Variants in SLC4A11 observed in about 807,000 individuals in gnomAD.
SLC4A11 encodes solute carrier family 4 member 11.
A neutral mutation model predicts 95.0 loss-of-function variants in SLC4A11; 74 were observed. The observed-to-expected ratio is 0.78, with a 90% CI of 0.65 to 0.95. SLC4A11 has a LOEUF of 0.95. Among genes scored for constraint, SLC4A11 ranks in the 40% least tolerant of loss-of-function variants. SLC4A11 has a pLI of 0.00. For missense variants in SLC4A11, 1,081 were observed against 1,192.4 expected (o/e 0.91, Z 1.38); for synonymous variants, 548 against 519.0 (o/e 1.06, Z -0.76).
chr20:3,233,406 G>T, intron 7 of SLC4A11, 108 bp downstream of exon 7: 1 of 1,534,762 alleles, frequency 6.5e-7, no homozygotes, highest in Non-Finnish European at 8.9e-7. Flanking sequence ...GAAGGGGAGG[G>T]TGAGGACCAG....
chr20:3,231,577 A>C lies in SLC4A11; in HGVS notation c.730-29T>G, dbSNP rs573322136. 6.2e-7 allele frequency: 1 copy of C among 1,607,290 alleles called. No individual in the cohort carries two copies. The highest frequency in any genetic ancestry group is 1.3e-5 in the African/African-American group (1 of 74,632). Reference sequence around the variant, plus strand: ...GGGGTGGAGGATGGGAGTCACCCCTAGAAACAGAGGAGGCCCTGCCCGGGC... The same window carrying C: ...GGGGTGGAGGATGGGAGTCACCCCTCGAAACAGAGGAGGCCCTGCCCGGGC... On this transcript the variant is annotated intron_variant, in intron 7 of 19. Transcript: ENST00000642402. This position sits in a 1 kb window ranked among gnomAD's most constrained non-coding sequence, Gnocchi z 5.2.
At chr20:3,237,755 G>C in intron 1 of SLC4A11, 167 bp from the exon 2 acceptor site, 3 of 1,613,132 alleles carry the variant, frequency 1.9e-6, no homozygotes, top group South Asian at 1.1e-5. Context: ...CTCGGGAGGG[G>C]GCCCCATAGC....
intron 1 of SLC4A11, chr20:3,238,188 G>T (rs2068048662): frequency 7.0e-7 from 1 of 1,432,050 alleles, no homozygotes; most frequent in Non-Finnish European, 9.1e-7. Flanking sequence ...GGTCCAAAAG[G>T]GAGAACAATT....
chr20:3,237,752 G>C (rs981077357), intron 1 of SLC4A11, 164 bp from the exon 2 acceptor site: 1 of 1,613,178 alleles, frequency 6.2e-7, no homozygotes, highest in African/African-American at 1.3e-5. Context: ...GTGCTCGGGA[G>C]GGGGCCCCAT....
At chr20:3,237,833 G>A in intron 1 of SLC4A11, 2 of 1,560,088 alleles carry the variant, frequency 1.3e-6, no homozygotes, top group Non-Finnish European at 1.7e-6. Flanking sequence ...GCCCAGGCGG[G>A]CCAGAGGCGA....
Position 3,231,311 on chromosome 20 carries a change from G to A in SLC4A11, c.948+19C>T, listed in dbSNP as rs1409824372. Reference sequence around the variant, plus strand: ...GCCCCCGCCGACCCTGCCGGCCCCCGCCGGCCTCTACCCTGTACCTCTGGG... The same window carrying A: ...GCCCCCGCCGACCCTGCCGGCCCCCACCGGCCTCTACCCTGTACCTCTGGG... On this transcript the variant is annotated intron_variant, in intron 8 of 19. Transcript: ENST00000642402. This position sits in a 1 kb window ranked among gnomAD's most constrained non-coding sequence, Gnocchi z 5.2. 24 of 1,613,578 alleles carry A rather than the reference G, an allele frequency of 1.5e-5. No individual in the cohort carries two copies. The highest frequency in any genetic ancestry group is 2.2e-5 in the East Asian group (1 of 44,864).
At position 3,230,844 on chromosome 20, in the gene SLC4A11, G is replaced by A. The variant is rs774703510; in HGVS notation, c.1170C>T (p.Asp390=). 27 of 1,613,250 alleles carry A rather than the reference G, an allele frequency of 1.7e-5. No homozygotes were observed. Among genetic ancestry groups the A allele is most frequent in the Middle Eastern group, 1.7e-4 (1 of 6,058 alleles). The change falls in exon 11 of 20, where the codon GAC becomes GAT. Residue 390 remains aspartate (D), a splice_region_variant and synonymous_variant. Transcript: ENST00000642402. ...TCTGCCCGGCTATGGTCTTCTGCAC[G>A]TCTGTGGGGGTGCGGAGGTCAGGTG... is the stretch of plus-strand genomic sequence containing the variant. ...LNDENTDGAI[D]VQKTIAGQSI...
chr20:3,238,570 G>A (rs897931931), intron 1 of SLC4A11: 4 of 990,822 alleles, frequency 4.0e-6, no homozygotes, highest in African/African-American at 1.7e-5. Context: ...GGGGACCCAG[G>A]GCTGGCCCTC....
intron 1 of SLC4A11, 137 bp from the exon 2 acceptor site, chr20:3,237,725 A>G: frequency 2.5e-6 from 4 of 1,613,902 alleles, no homozygotes; most frequent in Non-Finnish European, 2.5e-6. Flanking sequence ...CCTAGGGAGA[A>G]AGGGAAGCAG....
At position 3,230,946 on chromosome 20, in the gene SLC4A11, T is replaced by G; in HGVS notation, c.1155A>C (p.Thr385=). Residue 385 remains threonine, a synonymous_variant, in exon 10 of 20, where the codon ACA becomes ACC. Transcript: ENST00000642402. ...IAFGSLNDEN[T]DGAIDVQKTI... ...CCAGCCCCTCACCGATGGCCCCGTC[T>G]GTGTTCTCGTCATTGAGAGACCCGA... 6.2e-7 allele frequency: 1 copy of G among 1,606,694 alleles called. No individual in the cohort carries two copies. The highest frequency in any genetic ancestry group is 8.5e-7 in the Non-Finnish European group (1 of 1,175,676).
rs1046146525 is a variant in SLC4A11 at position 3,231,348 on chromosome 20, A to C, written c.930T>G (p.Pro310=). 6.2e-7 allele frequency: 1 copy of C among 1,613,862 alleles called. No individual in the cohort carries two copies. The highest frequency in any genetic ancestry group is 1.3e-5 in the African/African-American group (1 of 75,008). Residue 310 remains proline, a synonymous_variant, in exon 8 of 20, where the codon CCT becomes CCG. Coordinates refer to ENST00000642402, the MANE Select transcript of SLC4A11 (RefSeq NM_001174089.2). This position sits in a 1 kb window ranked among gnomAD's most constrained non-coding sequence, Gnocchi z 5.2. ...RTKERSTVSL[P]AHRHPEPPKC... ...CCTGTACCTCTGGGTGTCTGTGGGC[A>C]GGGAGGGAGACTGTGCTGCGTTCCT...
Position 3,228,554 on chromosome 20 carries a change from G to T in SLC4A11, c.2346C>A (p.Gly782=). 1 of 1,613,226 alleles carries T rather than the reference G, an allele frequency of 6.2e-7. No homozygotes were observed. Among genetic ancestry groups the T allele is most frequent in the Non-Finnish European group, 8.5e-7 (1 of 1,179,956 alleles). ...FLYIALTSLD[G]NQLVQRVALL... ...GGGCCACGCGCTGGACGAGCTGGTT[G>T]CCATCGAGGGAGGTGAGCGCGATGT... The change falls in exon 18 of 20, where the codon GGC becomes GGA. Residue 782 remains glycine, a synonymous_variant. Transcript: ENST00000642402.
At position 3,228,434 on chromosome 20, in the gene SLC4A11, G is replaced by A; in HGVS notation, c.2389-6C>T. 6.2e-7 allele frequency: 1 copy of A among 1,613,186 alleles called. No homozygotes were observed. ...TGTGTCGGGGGGTACGCAGTCTGTG[G>A]GCGGCAGGGACCGGGTGTGGGCAGG... is the stretch of plus-strand genomic sequence containing the variant. On this transcript the variant is annotated splice_polypyrimidine_tract_variant and splice_region_variant and intron_variant, in intron 18 of 19. Coordinates refer to ENST00000642402, the MANE Select transcript of SLC4A11 (RefSeq NM_001174089.2).
rs140689149 is a variant in SLC4A11, at chr20:3,228,844, T to C, written c.2186A>G (p.Tyr729Cys). The stretch of plus-strand genomic sequence containing the variant: ...TTGCCAGCCTCACACTCACGTGTCA[T>C]AGATGTGTCCGTTCTCCACACGCTC... The part of the protein sequence containing the change: ...VEERVENGHI[Y>C]DTIVNVKETR... The change falls in exon 17 of 20, where the codon TAT becomes TGT. Residue 729 changes from tyrosine to cysteine, a missense_variant. Tyr to Cys is a radical substitution (Grantham distance 194). Transcript: ENST00000642402. The C allele has an allele frequency of 8.5e-5, 137 of 1,613,756 alleles. No individual in the cohort carries two copies. In the African/African-American group the frequency reaches 1.6e-3, roughly 19 times the overall value.
Position 3,230,713 on chromosome 20 carries a change from G to A in SLC4A11, c.1282+19C>T, listed in dbSNP as rs756817977. 5.5e-5 allele frequency: 88 copies of A among 1,612,844 alleles called. No homozygotes were observed. Among genetic ancestry groups the A allele is most frequent in the Middle Eastern group, 1.6e-4 (1 of 6,084 alleles). On this transcript the variant is annotated intron_variant, in intron 11 of 19. Coordinates refer to ENST00000642402, the MANE Select transcript of SLC4A11 (RefSeq NM_001174089.2). The stretch of plus-strand genomic sequence containing the variant: ...CCAGGGGTCTCAGGCACCATCTCCC[G>A]CCTCAGCCCCCACTGCACCCTGGAT...
chr20:3,238,610 G>A (rs2068064571), intron 1 of SLC4A11: 1 of 991,332 alleles, frequency 1.0e-6, no homozygotes, highest in African/African-American at 1.7e-5. Context: ...AAACCGCTGC[G>A]GCCGCGCAGG....
rs904159885 is a variant in SLC4A11 at position 3,229,326 on chromosome 20, AC to A, written c.1849+19del. 1 of 1,612,792 alleles carries A rather than the reference AC, an allele frequency of 6.2e-7. No individual in the cohort carries two copies. The highest frequency in any genetic ancestry group is 1.3e-5 in the African/African-American group (1 of 74,846). ...CCTGGGGAGCTACCCCACGTCACCC[AC>A]CGCCCGGCCCCAACTCACTCTCGAT... On this transcript the variant is annotated intron_variant, in intron 15 of 19. Transcript: ENST00000642402.
At position 3,231,395 on chromosome 20, in the gene SLC4A11, C is replaced by G; in HGVS notation, c.883G>C (p.Gly295Arg). The G allele has an allele frequency of 6.2e-7, 1 of 1,614,078 alleles. No individual in the cohort carries two copies. The highest frequency in any genetic ancestry group is 8.5e-7 in the Non-Finnish European group (1 of 1,180,020). ...TCCTTCGTTCTCGGCGCCACTGGAC[C>G]GTGGCTCACCATGGTGAGCAGCTGT... ...QRQLLTMVSH[G>R]PVAPRTKERS... The change falls in exon 8 of 20, where the codon GGT becomes CGT. Residue 295 changes from glycine (G) to arginine (R), a missense_variant. Transcript: ENST00000642402. The surrounding 1 kb of genome is among the most constrained non-coding windows in gnomAD (Gnocchi z 5.2).
Position 3,237,537 on chromosome 20 carries a change from T to C in SLC4A11, c.88+7A>G. The C allele has an allele frequency of 6.2e-7, 1 of 1,613,486 alleles. No individual in the cohort carries two copies. On this transcript the variant is annotated splice_region_variant and intron_variant, in intron 2 of 19. Transcript: ENST00000642402. Reference sequence around the variant, plus strand: ...CTGCACACACACACTCCCCGAGAGGTACTCACTTGAATCCTCGAAGTATCC... The same window carrying C: ...CTGCACACACACACTCCCCGAGAGGCACTCACTTGAATCCTCGAAGTATCC...
Sources: allele counts gnomAD v4.1 joint callset, GRCh38; gene constraint gnomAD v4.1.1; non-coding constraint Gnocchi (gnomAD v3.1); transcripts MANE v1.5; gene names NCBI Gene and HGNC (gene_info 2026-07-23, HGNC 2026-07-21).